Variants in KIFC3 observed in about 807,000 individuals in gnomAD.
The protein encoded by KIFC3 is kinesin family member C3.
Under a neutral mutation model 101.8 loss-of-function variants are expected in KIFC3, and 60 were observed. That is an observed-to-expected ratio of 0.59 (90% CI 0.48 to 0.73). The LOEUF (loss-of-function observed/expected upper bound fraction) is 0.73, where lower values mean the gene tolerates loss of function less well. Ranked by LOEUF, KIFC3 falls within the 30% of genes least tolerant of loss-of-function variation. The pLI, the probability that KIFC3 is intolerant of heterozygous loss-of-function variation, is 0.00. For missense variants in KIFC3, 966 were observed against 1,137.1 expected (o/e 0.85, Z 2.16); for synonymous variants, 476 against 482.7 (o/e 0.99, Z 0.18).
intron 3 of KIFC3, among the ~76,000 whole-genome samples, chr16:57,784,174 C>T (rs924065555): frequency 8.5e-5 from 13 of 152,354 alleles, no homozygotes; most frequent in Middle Eastern, 6.8e-3. Flanking sequence ...GGGTATCCCC[C>T]GTGCCCAGCT....
chr16:57,811,211 G>A (rs2055064485), intron 1 of KIFC3, among the ~76,000 whole-genome samples: 1 of 152,208 alleles, frequency 6.6e-6, no homozygotes, highest in Admixed American at 6.5e-5. Context: ...GCCTGGGAGG[G>A]AGAATGATGA....
intron 2 of KIFC3, among the ~76,000 whole-genome samples, chr16:57,795,395 C>T (rs781824495): frequency 5.9e-5 from 9 of 152,238 alleles, no homozygotes; most frequent in Non-Finnish European, 8.8e-5. Context: ...GCCCAATACC[C>T]CACCGGAGGC....
At chr16:57,771,910 T>C (rs1396518965) in intron 4 of KIFC3, among the ~76,000 whole-genome samples, 2 of 151,820 alleles carry the variant, frequency 1.3e-5, no homozygotes, top group Non-Finnish European at 2.9e-5. Context: ...TTGAGAAGGG[T>C]GGTGACCCAG....
Position 57,759,729 on chromosome 16 carries a change from C to A in KIFC3, c.2475G>T (p.Ser825=), listed in dbSNP as rs782743799. The change falls in exon 18 of 20, where the codon TCG becomes TCT. Residue 825 remains serine, a splice_region_variant and synonymous_variant. Coordinates refer to ENST00000445690, the MANE Select transcript of KIFC3 (RefSeq NM_001130100.2). ...PGSIRRKLQP[S]A is the part of the protein sequence containing the mutation. ...CCCACACTGCCACTCCAGGCTCACC[C>A]GAGGGCTGCAGCTTCCTCCGGATGG... 8 of 1,607,854 alleles carry A rather than the reference C, an allele frequency of 5.0e-6. No homozygotes were observed. The highest frequency in any genetic ancestry group is 5.9e-6 in the Non-Finnish European group (7 of 1,177,272).
At chr16:57,761,654 G>A (rs1423629276) in intron 13 of KIFC3, 118 bp from the exon 14 acceptor site, 2 of 1,143,046 alleles carry the variant, frequency 1.7e-6, no homozygotes, top group Admixed American at 1.9e-5. Context: ...CCAGCCATCA[G>A]CTGAGTGCAT....
intron 1 of KIFC3, among the ~76,000 whole-genome samples, chr16:57,849,086 A>G (rs2055995395): frequency 1.3e-5 from 2 of 152,246 alleles, no homozygotes; most frequent in Admixed American, 1.3e-4. Flanking sequence ...GAGTGATCAG[A>G]CAGTACAGAG....
At chr16:57,777,591 G>T (rs187508310) in intron 3 of KIFC3, among the ~76,000 whole-genome samples, 32 of 152,248 alleles carry the variant, frequency 2.1e-4, no homozygotes, top group Non-Finnish European at 1.5e-5. Flanking sequence ...CCTCATGGCA[G>T]GCGCCTGTAA....
Position 57,771,329 on chromosome 16 carries a change from G to A in KIFC3, c.634C>T (p.Leu212=). 6.2e-7 allele frequency: 1 copy of A among 1,613,782 alleles called. No homozygotes were observed. The highest frequency in any genetic ancestry group is 2.2e-5 in the East Asian group (1 of 44,884). ...TTGAGTCGCAGCTCCACCTCAGCCA[G>A]CCGGTCGGTCTTCTGCTGCACCTCT... ...NLEVQQKTDR[L]AEVELRLKDC... Residue 212 remains leucine, a synonymous_variant, in exon 6 of 20, where the codon CTG becomes TTG. Transcript: ENST00000445690.
intron 1 of KIFC3, among the ~76,000 whole-genome samples, chr16:57,841,156 A>AC (rs2055802185): frequency 6.6e-6 from 1 of 152,216 alleles, no homozygotes; most frequent in African/African-American, 2.4e-5. Flanking sequence ...GTGATAGAGG[A>AC]CCGTAACAGT....
intron 3 of KIFC3, among the ~76,000 whole-genome samples, chr16:57,790,048 C>CTT (rs2053719482): frequency 9.7e-6 from 1 of 102,636 alleles, no homozygotes; most frequent in Non-Finnish European, 2.1e-5. Context: ...TTTTTTTTTG[C>CTT]TTTCTTTTTC....
In KIFC3 at chr16:57,764,229, C is replaced by A; in HGVS notation, c.1531G>T (p.Ala511Ser). The change falls in exon 12 of 20, where the codon GCC becomes TCC. Residue 511 changes from alanine (A) to serine (S), a missense_variant. Physicochemically the swap from Ala to Ser is moderately conservative, Grantham distance 99 (BLOSUM62 1). This residue lies in a region of KIFC3 where 689 missense variants were observed against 884.6 expected (regional missense o/e 0.78). Transcript: ENST00000445690. ...CCATCAATGCAAGAGGTGACCAGGG[C>A]CTGCACCTCCTGGAACACCTGGGAG... ...SQQDVFQEVQ[A>S]LVTSCIDGFN... 6.2e-7 allele frequency: 1 copy of A among 1,609,756 alleles called. No homozygotes were observed. Among genetic ancestry groups the A allele is most frequent in the Non-Finnish European group, 8.5e-7 (1 of 1,178,136 alleles).
At chr16:57,832,321 CTTTTTTT>C (rs1165977084) in intron 1 of KIFC3, among the ~76,000 whole-genome samples, 2 of 73,504 alleles carry the variant, frequency 2.7e-5, no homozygotes, top group South Asian at 6.4e-4. Context: ...GCGCCAGGCC[CTTTTTTT>C]TTTTTTTTTT....
At chr16:57,822,697 A>C (rs2055377657) in intron 1 of KIFC3, among the ~76,000 whole-genome samples, 1 of 152,140 alleles carries the variant, frequency 6.6e-6, no homozygotes. Flanking sequence ...ACTCCATCTC[A>C]AAAAATAAAT....
intron 1 of KIFC3, among the ~76,000 whole-genome samples, chr16:57,827,119 C>T (rs1555630912): frequency 1.3e-5 from 2 of 152,236 alleles, no homozygotes; most frequent in African/African-American, 2.4e-5. Flanking sequence ...GCATGGACCC[C>T]GTCATCTCTC....
chr16:57,778,420 A>G (rs2052367741), intron 3 of KIFC3, among the ~76,000 whole-genome samples: 1 of 152,248 alleles, frequency 6.6e-6, no homozygotes, highest in African/African-American at 2.4e-5. Flanking sequence ...CACAGGCAAT[A>G]AAAGAAAAAA....
rs1033387627 is a variant in KIFC3 at position 57,797,609 on chromosome 16, G to A, written c.172+463C>T. On this transcript the variant is annotated intron_variant, in intron 2 of 19. Transcript: ENST00000445690. ...CCAAGCCCCGCCAGGCCACGTTCCC[G>A]AGCAGCCTCGGTCCACTCCCAACGC... 37 of 840,054 alleles carry A rather than the reference G, an allele frequency of 4.4e-5. No homozygotes were observed. The African/African-American group carries it at 4.5e-4, about 10-fold the overall frequency. The allele number at this position is 840,054 out of a possible 1,614,324, so 52.0% of individuals were successfully genotyped here.
At chr16:57,778,330 T>C (rs2052356686) in intron 3 of KIFC3, among the ~76,000 whole-genome samples, 1 of 152,094 alleles carries the variant, frequency 6.6e-6, no homozygotes, top group African/African-American at 2.4e-5. Context: ...GCTAAAACTA[T>C]AAAACTCTCA....
intron 1 of KIFC3, among the ~76,000 whole-genome samples, chr16:57,841,858 C>A (rs2149312999): frequency 6.6e-6 from 1 of 151,992 alleles, no homozygotes; most frequent in African/African-American, 2.4e-5. Context: ...CTCTGGCTGT[C>A]CCCCTGTCTG....
intron 1 of KIFC3, among the ~76,000 whole-genome samples, chr16:57,817,692 A>G (rs782121310): frequency 6.6e-6 from 1 of 152,198 alleles, no homozygotes; most frequent in Non-Finnish European, 1.5e-5. Context: ...TGACCTCTGC[A>G]TACCTCTGCA....
Sources: allele counts gnomAD v4.1 joint callset (sites outside exome capture counted in the v4.1 genomes callset), GRCh38; gene constraint gnomAD v4.1.1; regional missense constraint gnomAD v4.1.1; transcripts MANE v1.5; gene names NCBI Gene and HGNC (gene_info 2026-07-23, HGNC 2026-07-21).